Variants in ANAPC4 observed in about 807,000 individuals in gnomAD.
The protein encoded by ANAPC4 is anaphase promoting complex subunit 4.
Under a neutral mutation model 119.8 loss-of-function variants are expected in ANAPC4, and 63 were observed. The ratio of observed to expected loss-of-function variants is 0.53; its 90% CI spans 0.43 to 0.65. ANAPC4 has a LOEUF of 0.65. Among genes scored for constraint, ANAPC4 ranks in the 30% least tolerant of loss-of-function variants. The pLI is 0.00. For missense variants in ANAPC4, 716 were observed against 945.1 expected (o/e 0.76, Z 3.18); for synonymous variants, 283 against 318.6 (o/e 0.89, Z 1.19).
intron 17 of ANAPC4, among the ~76,000 whole-genome samples, chr4:25,403,428 C>T (rs1284934119): frequency 1.3e-5 from 2 of 152,176 alleles, no homozygotes; most frequent in Admixed American, 6.5e-5. Context: ...TTATCCCTGT[C>T]GCTCACTGAT....
chr4:25,396,190 G>A (rs1722640242), intron 14 of ANAPC4, among the ~76,000 whole-genome samples: 1 of 152,098 alleles, frequency 6.6e-6, no homozygotes, highest in South Asian at 2.1e-4. Context: ...TTCCTTCAAG[G>A]CATTTATAGT....
intron 2 of ANAPC4, 136 bp downstream of exon 2, chr4:25,377,692 C>T: frequency 7.7e-7 from 1 of 1,292,322 alleles, no homozygotes; most frequent in South Asian, 1.5e-5. Flanking sequence ...GGCTGGCCAC[C>T]TGCTACCCCT....
intron 16 of ANAPC4, among the ~76,000 whole-genome samples, chr4:25,401,147 T>C (rs1722941898): frequency 6.6e-6 from 1 of 152,254 alleles, no homozygotes; most frequent in African/African-American, 2.4e-5. Flanking sequence ...ATTAGATTGC[T>C]GTTCCCTGAA....
chr4:25,387,512 G>T (rs1179417018), intron 4 of ANAPC4, among the ~76,000 whole-genome samples: 1 of 152,186 alleles, frequency 6.6e-6, no homozygotes, highest in Non-Finnish European at 1.5e-5. Context: ...TATGTAGAAT[G>T]TTAGAGGGTC....
chr4:25,406,218 C>A (rs1433228196), intron 18 of ANAPC4, among the ~76,000 whole-genome samples: 3 of 152,204 alleles, frequency 2.0e-5, no homozygotes. Flanking sequence ...GGTTCCTCCA[C>A]TTTCTACAAC....
intron 2 of ANAPC4, among the ~76,000 whole-genome samples, 159 bp from the exon 3 acceptor site, chr4:25,380,215 C>G (rs1721633116): frequency 6.6e-6 from 1 of 152,086 alleles, no homozygotes; most frequent in Non-Finnish European, 1.5e-5. Flanking sequence ...TTTAAAATAC[C>G]TTGTGTTCAT....
At chr4:25,386,045 C>T (rs1722013608) in intron 4 of ANAPC4, among the ~76,000 whole-genome samples, 1 of 152,068 alleles carries the variant, frequency 6.6e-6, no homozygotes, top group Non-Finnish European at 1.5e-5. Flanking sequence ...TCGAGAGTAG[C>T]TGGGATTACA....
chr4:25,380,879 G>T (rs1311811152), intron 3 of ANAPC4, among the ~76,000 whole-genome samples: 1 of 152,220 alleles, frequency 6.6e-6, no homozygotes, highest in Non-Finnish European at 1.5e-5. Flanking sequence ...AGCATGAAAT[G>T]TGTGGCTCAT....
chr4:25,415,728 T>C, intron 26 of ANAPC4, 188 bp downstream of exon 26: 1 of 536,258 alleles, frequency 1.9e-6, no homozygotes, highest in South Asian at 2.9e-5. Context: ...AATAGAACCT[T>C]ACTGCCCTGC....
At chr4:25,406,039 A>G (rs2012286) in intron 18 of ANAPC4, among the ~76,000 whole-genome samples, 61,824 of 152,100 alleles carry the variant, frequency 0.41, 14,610 homozygotes, top group Non-Finnish European at 0.52. Context: ...TGTGACAACC[A>G]GTGATGGAAT....
chr4:25,417,721 T>C lies in ANAPC4; in HGVS notation c.2181T>C (p.Phe727=), dbSNP rs770201205. ...MKAQYVAGNG[F]RKVSCVLSSN... ...CACAGTATGTTGCTGGGAATGGTTTTCGAAAAGTGTCCTGTGTGGTAAGTG... is the reference window on the plus strand; with the variant it reads ...CACAGTATGTTGCTGGGAATGGTTTCCGAAAAGTGTCCTGTGTGGTAAGTG... The change falls in exon 28 of 29, where the codon TTT becomes TTC. Residue 727 remains phenylalanine, a synonymous_variant. Transcript: ENST00000315368. 1 of 1,612,156 alleles carries C rather than the reference T, an allele frequency of 6.2e-7. No homozygotes were observed. The highest frequency in any genetic ancestry group is 2.2e-5 in the East Asian group (1 of 44,852).
intron 16 of ANAPC4, among the ~76,000 whole-genome samples, chr4:25,399,034 G>T (rs1372043350): frequency 1.3e-5 from 2 of 151,316 alleles, no homozygotes; most frequent in African/African-American, 4.9e-5. Context: ...AAGAATAATA[G>T]AGACAACTCT....
At chr4:25,396,382 C>T (rs2109125696) in intron 14 of ANAPC4, among the ~76,000 whole-genome samples, 1 of 152,280 alleles carries the variant, frequency 6.6e-6, no homozygotes, top group East Asian at 1.9e-4. Flanking sequence ...GTTGGGTGAA[C>T]AAGATGGCTG....
In ANAPC4 at chr4:25,405,677, T is replaced by C. The variant is rs11944762; in HGVS notation, c.1317+58T>C. The C allele has an allele frequency of 5.7e-3, 8,757 of 1,540,602 alleles. 309 individuals carry two copies. The African/African-American group carries it at 0.088, about 15-fold the overall frequency. On this transcript the variant is annotated intron_variant, in intron 18 of 28. Transcript: ENST00000315368. This position sits in a 1 kb window ranked among gnomAD's most constrained non-coding sequence, Gnocchi z 4.6. ...ACATTGTCCTGCTTGAACTCAGCTG[T>C]GCTGGTCATTTTGGTACTCTTATTC...
At chr4:25,406,587 A>G (rs1723262305) in intron 18 of ANAPC4, among the ~76,000 whole-genome samples, 1 of 152,224 alleles carries the variant, frequency 6.6e-6, no homozygotes, top group Non-Finnish European at 1.5e-5. Flanking sequence ...GGCCATAAAG[A>G]GTTCTGTAGC....
chr4:25,388,399 T>G (rs1488307301), intron 4 of ANAPC4, 101 bp from the exon 5 acceptor site: 1 of 759,534 alleles, frequency 1.3e-6, no homozygotes, highest in Non-Finnish European at 2.3e-6. Context: ...TACTTGATAA[T>G]GTTGTAAAAC....
chr4:25,412,706 G>C (rs2109144175), intron 21 of ANAPC4, among the ~76,000 whole-genome samples: 1 of 151,456 alleles, frequency 6.6e-6, no homozygotes, highest in Middle Eastern at 3.4e-3. Flanking sequence ...AGCTGAGACT[G>C]CACCACTGCA....
In ANAPC4 at chr4:25,393,576, C is replaced by T. The variant is rs60419880; in HGVS notation, c.790-229C>T. Among the ~76,000 whole-genome samples the T allele has an allele frequency of 5.1e-3, 779 of 152,204 alleles. 5 individuals are homozygous for T. Among genetic ancestry groups the T allele is most frequent in the African/African-American group, 0.016 (657 of 41,504 alleles). ...ACTTGGGAGGCTGAGGCAGGAGAAT[C>T]GCTTGAACCTGGGAGGCAGAGGTTG... On this transcript the variant is annotated intron_variant, in intron 10 of 28. Coordinates refer to ENST00000315368, the MANE Select transcript of ANAPC4 (RefSeq NM_013367.3).
At position 25,417,651 on chromosome 4, in the gene ANAPC4, C is replaced by G; in HGVS notation, c.2111C>G (p.Thr704Ser). ...CAGTGTAGTGCTATTCCCACCCGTA[C>G]CATGCATTTTGAGAAGCACTGGAGA... ...DEQCSAIPTR[T>S]MHFEKHWRLL... is the part of the protein sequence containing the mutation. Residue 704 changes from threonine to serine, a missense_variant, in exon 28 of 29, where the codon ACC (threonine) becomes AGC (serine). Transcript: ENST00000315368. 1 of 1,613,452 alleles carries G rather than the reference C, an allele frequency of 6.2e-7. No homozygotes were observed. The highest frequency in any genetic ancestry group is 8.5e-7 in the Non-Finnish European group (1 of 1,179,740).
Sources: gnomAD v4.1 joint callset for allele counts (sites outside exome capture counted in the v4.1 genomes callset) on GRCh38, gnomAD v4.1.1 for gene constraint, Gnocchi (gnomAD v3.1) non-coding constraint, MANE v1.5 for transcripts, NCBI Gene and HGNC (gene_info 2026-07-23, HGNC 2026-07-21) for gene names.